NFATC4: variants seen among roughly 807,000 people sequenced by gnomAD.
NFATC4 encodes the protein nuclear factor of activated T-cells, cytoplasmic 4.
Under a neutral mutation model 73.4 loss-of-function variants are expected in NFATC4, and 25 were observed. The ratio of observed to expected loss-of-function variants is 0.34; its 90% confidence interval spans 0.25 to 0.48. The LOEUF (loss-of-function observed/expected upper bound fraction) is 0.48, where lower values mean the gene tolerates loss of function less well. NFATC4 is among the 20% of genes least tolerant of loss of function. The probability of loss-of-function intolerance (pLI) is 0.99; values close to 1 mark genes in which losing one functional copy is unlikely to be tolerated. For missense variants in NFATC4, 1,130 were observed against 1,203.7 expected (o/e 0.94, Z 0.91); for synonymous variants, 523 against 510.3 (o/e 1.02, Z -0.34).
Position 24,377,122 on chromosome 14 carries a change from C to CA in NFATC4, c.2641+247dup. 7.7e-7 allele frequency: 1 copy of CA among 1,297,924 alleles called. No homozygotes were observed. The highest frequency in any genetic ancestry group is 3.0e-5 in the South Asian group (1 of 33,896). 80.4% of individuals were successfully genotyped at this position (1,297,924 alleles called of 1,614,324 possible). The stretch of plus-strand genomic sequence containing the variant: ...CTGTCTCTGCCTCTGTCCTCTGCTC[C>CA]AAATCATAAAATCTCAGAGCTAGAA... On this transcript the variant is annotated intron_variant, in intron 9 of 9. Coordinates refer to ENST00000250373, the MANE Select transcript of NFATC4 (RefSeq NM_004554.5). This position sits in a 1 kb window ranked among gnomAD's most constrained non-coding sequence, Gnocchi z 4.2.
intron 1 of NFATC4, chr14:24,369,219 C>G: frequency 6.5e-7 from 1 of 1,533,230 alleles, no homozygotes; most frequent in Non-Finnish European, 8.7e-7. Context: ...AGCCCCAGCT[C>G]CAGCCCCTCT....
chr14:24,369,583 C>T lies in NFATC4; in HGVS notation c.185C>T (p.Pro62Leu). The change falls in exon 2 of 10, where the codon CCC becomes CTC. Residue 62 changes from proline to leucine, a missense_variant. By Grantham distance (98) the Pro-to-Leu change is moderately conservative. Around this residue, in one of 3 missense-constraint regions of NFATC4, gnomAD observed 585 missense variants for 574.3 expected, o/e 1.02. Transcript: ENST00000250373. ...PPYGAAPIGI[P>L]RPPPPRPGMH... ...TATGGCGCTGCACCTATCGGTATTC[C>T]CCGACCTCCACCCCCTCGGCCTGGC... is the stretch of plus-strand genomic sequence containing the variant. 6.2e-7 allele frequency: 1 copy of T among 1,612,866 alleles called. No individual in the cohort carries two copies. The highest frequency in any genetic ancestry group is 8.5e-7 in the Non-Finnish European group (1 of 1,179,430).
rs2042642901 is a variant in NFATC4, at chr14:24,376,988, C to G, written c.2641+110C>G. On this transcript the variant is annotated intron_variant, in intron 9 of 9. Coordinates refer to ENST00000250373, the MANE Select transcript of NFATC4 (RefSeq NM_004554.5). This position sits in a 1 kb window ranked among gnomAD's most constrained non-coding sequence, Gnocchi z 5.0. ...CAGAGATCGGGCATCCCTGGTCTCT[C>G]AGGGCCAGTTGGAGGTTCCCAGGAG... The G allele has an allele frequency of 1.4e-6, 2 of 1,411,276 alleles. No individual in the cohort carries two copies. The highest frequency in any genetic ancestry group is 6.4e-5 in the Admixed American group (2 of 31,424). 87.4% of individuals were successfully genotyped at this position (1,411,276 alleles called of 1,614,324 possible).
upstream of NFATC4, chr14:24,367,706 T>C: frequency 6.6e-7 from 1 of 1,524,142 alleles, no homozygotes; most frequent in South Asian, 1.2e-5. Context: ...TCGGTGCCAC[T>C]CTGCCCCCAG....
At chr14:24,371,565 T>A (rs894509309) in intron 2 of NFATC4, among the ~76,000 whole-genome samples, 2 of 152,214 alleles carry the variant, frequency 1.3e-5, no homozygotes, top group Admixed American at 1.3e-4. Context: ...TTGTCCCATC[T>A]GAAACCCTTA....
upstream of NFATC4, chr14:24,367,298 C>G: frequency 6.4e-7 from 1 of 1,561,034 alleles, no homozygotes; most frequent in South Asian, 1.2e-5. Context: ...AGGTTTCAGG[C>G]CCCTAGTAAA....
chr14:24,371,494 G>A (rs903973414), intron 2 of NFATC4, among the ~76,000 whole-genome samples: 1 of 152,142 alleles, frequency 6.6e-6, no homozygotes, highest in Non-Finnish European at 1.5e-5. Flanking sequence ...AATTACTTGG[G>A]GGGCAATTAC....
upstream of NFATC4, chr14:24,367,561 T>G: frequency 6.5e-7 from 1 of 1,536,170 alleles, no homozygotes; most frequent in Non-Finnish European, 8.7e-7. Context: ...GGCTAAGCGT[T>G]CTTCATCTTT....
chr14:24,373,657 T>G lies in NFATC4; in HGVS notation c.1560-38T>G, dbSNP rs762909955. On this transcript the variant is annotated intron_variant, in intron 4 of 9. Transcript: ENST00000250373. The surrounding 1 kb of genome is among the most constrained non-coding windows in gnomAD (Gnocchi z 4.7). ...TTAGGGATGTATCACCATTTTGGCTTCAGCTAGGAGGGCTTGCCATCCATC... is the reference window on the plus strand; with the variant it reads ...TTAGGGATGTATCACCATTTTGGCTGCAGCTAGGAGGGCTTGCCATCCATC... 7.0e-6 allele frequency: 11 copies of G among 1,574,166 alleles called. No individual in the cohort carries two copies. The Admixed American group carries it at 1.8e-4, about 25-fold the overall frequency.
rs1304515766 is a variant in NFATC4, at chr14:24,377,949, C to T, written c.*244C>T. ...GGAGGGAGGAGGGTGAAGACTGAGG[C>T]TAGGTGCCAGAATGGACTGGAGTGA... On this transcript the variant is annotated 3_prime_UTR_variant, in exon 10 of 10. Transcript: ENST00000250373. This position sits in a 1 kb window ranked among gnomAD's most constrained non-coding sequence, Gnocchi z 4.2. The T allele has an allele frequency of 5.3e-6, 4 of 751,494 alleles. No homozygotes were observed. The highest frequency in any genetic ancestry group is 8.3e-6 in the Non-Finnish European group (4 of 480,106). The allele number at this position is 751,494 out of a possible 1,614,324, so 46.6% of individuals were successfully genotyped here.
In NFATC4 at chr14:24,378,015, C is replaced by T; in HGVS notation, c.*310C>T. The T allele has an allele frequency of 2.1e-6, 1 of 486,608 alleles. No homozygotes were observed. Among genetic ancestry groups the T allele is most frequent in the Non-Finnish European group, 3.7e-6 (1 of 269,370 alleles). 30.1% of individuals were successfully genotyped at this position (486,608 alleles called of 1,614,324 possible). On this transcript the variant is annotated 3_prime_UTR_variant, in exon 10 of 10. Coordinates refer to ENST00000250373, the MANE Select transcript of NFATC4 (RefSeq NM_004554.5). ...GTGGGCTGGCTGTTGTGCTGGAAAG[C>T]TGGGGACAGGTTGATGGTAATAAAC...
rs1279254140 is a variant in NFATC4 at position 24,378,147 on chromosome 14, A to T, written c.*442A>T. Reference sequence around the variant, plus strand: ...GGCCCAGAAGTTGGAAAGAGATGGAATGTGGCTGGGAACATTGCATCCCAA... The same window carrying T: ...GGCCCAGAAGTTGGAAAGAGATGGATTGTGGCTGGGAACATTGCATCCCAA... On this transcript the variant is annotated 3_prime_UTR_variant, in exon 10 of 10. Coordinates refer to ENST00000250373, the MANE Select transcript of NFATC4 (RefSeq NM_004554.5). The T allele has an allele frequency of 5.4e-6, 1 of 183,744 alleles. No individual in the cohort carries two copies. Among genetic ancestry groups the T allele is most frequent in the African/African-American group, 2.3e-5 (1 of 43,170 alleles). The allele number at this position is 183,744 out of a possible 1,614,324, so 11.4% of individuals were successfully genotyped here.
At position 24,377,718 on chromosome 14, in the gene NFATC4, G is replaced by A. The variant is rs1235491646; in HGVS notation, c.*13G>A. On this transcript the variant is annotated 3_prime_UTR_variant, in exon 10 of 10. Transcript: ENST00000250373. The surrounding 1 kb of genome is among the most constrained non-coding windows in gnomAD (Gnocchi z 4.2). ...GCCTCCTGCCTGAACCACGTGAACTGTCATCACCTGGCAACCCCAGCCCCA... is the reference window on the plus strand; with the variant it reads ...GCCTCCTGCCTGAACCACGTGAACTATCATCACCTGGCAACCCCAGCCCCA... 7 of 1,614,044 alleles carry A rather than the reference G, an allele frequency of 4.3e-6. No homozygotes were observed. The highest frequency in any genetic ancestry group is 5.9e-6 in the Non-Finnish European group (7 of 1,180,012).
Position 24,373,087 on chromosome 14 carries a change from C to T in NFATC4, c.1360-84C>T. The T allele has an allele frequency of 1.5e-6, 2 of 1,375,784 alleles. No homozygotes were observed. The highest frequency in any genetic ancestry group is 2.5e-5 in the South Asian group (2 of 78,990). The allele number at this position is 1,375,784 out of a possible 1,614,324, so 85.2% of individuals were successfully genotyped here. ...TCCTTTATCTTTCACCATTCCCATC[C>T]CATGGTAGACTGAAAATCTAGGGAT... On this transcript the variant is annotated intron_variant, in intron 3 of 9. Transcript: ENST00000250373. The surrounding 1 kb of genome is among the most constrained non-coding windows in gnomAD (Gnocchi z 4.7).
In NFATC4 at chr14:24,376,998, T is replaced by A; in HGVS notation, c.2641+120T>A. The A allele has an allele frequency of 7.1e-7, 1 of 1,404,224 alleles. No homozygotes were observed. The highest frequency in any genetic ancestry group is 9.2e-7 in the Non-Finnish European group (1 of 1,084,282). 87.0% of individuals were successfully genotyped at this position (1,404,224 alleles called of 1,614,324 possible). ...GCATCCCTGGTCTCTCAGGGCCAGT[T>A]GGAGGTTCCCAGGAGGCATGTTCTT... is the stretch of plus-strand genomic sequence containing the variant. On this transcript the variant is annotated intron_variant, in intron 9 of 9. Coordinates refer to ENST00000250373, the MANE Select transcript of NFATC4 (RefSeq NM_004554.5). The surrounding 1 kb of genome is among the most constrained non-coding windows in gnomAD (Gnocchi z 5.0).
Position 24,373,895 on chromosome 14 carries a change from T to G in NFATC4, c.1732+28T>G. 6.2e-7 allele frequency: 1 copy of G among 1,613,410 alleles called. No homozygotes were observed. Among genetic ancestry groups the G allele is most frequent in the Non-Finnish European group, 8.5e-7 (1 of 1,179,768 alleles). On this transcript the variant is annotated intron_variant, in intron 5 of 9. Coordinates refer to ENST00000250373, the MANE Select transcript of NFATC4 (RefSeq NM_004554.5). The surrounding 1 kb of genome is among the most constrained non-coding windows in gnomAD (Gnocchi z 4.7). ...GAGCAAAGAGGCCCTGGGCCATGTC[T>G]CTGTCTCTTGCAACTCTTTTGTCTG...
At position 24,370,551 on chromosome 14, in the gene NFATC4, G is replaced by T. The variant is rs200325730; in HGVS notation, c.1153G>T (p.Ala385Ser). The T allele has an allele frequency of 1.2e-6, 2 of 1,613,544 alleles. No individual in the cohort carries two copies. The highest frequency in any genetic ancestry group is 2.2e-5 in the South Asian group (2 of 91,080). Reference sequence around the variant, plus strand: ...CTACCTGGCAGTGCCCTCCCCACTCGCTTGGTCCAAGGCCCGGATTGGGGG... The same window carrying T: ...CTACCTGGCAGTGCCCTCCCCACTCTCTTGGTCCAAGGCCCGGATTGGGGG... Reference protein sequence around the residue: ...MDYLAVPSPLAWSKARIGGHS... With the variant: ...MDYLAVPSPLSWSKARIGGHS... Residue 385 changes from alanine (A) to serine (S), a missense_variant, in exon 2 of 10, where the codon GCT becomes TCT. Ala to Ser is a moderately conservative substitution (Grantham distance 99). Around this residue, in one of 3 missense-constraint regions of NFATC4, gnomAD observed 585 missense variants for 574.3 expected, o/e 1.02. Coordinates refer to ENST00000250373, the MANE Select transcript of NFATC4 (RefSeq NM_004554.5).
rs1339969549 is a variant in NFATC4, at chr14:24,372,180, T to C, written c.1197-261T>C. 6 of 437,530 alleles carry C rather than the reference T, an allele frequency of 1.4e-5. No individual in the cohort carries two copies. In the East Asian group the frequency reaches 2.6e-4, roughly 19 times the overall value. 27.1% of individuals were successfully genotyped at this position (437,530 alleles called of 1,614,324 possible). A position where few individuals can be genotyped will look rare whatever the true frequency, so the allele number is the denominator to read the frequency against. On this transcript the variant is annotated intron_variant, in intron 2 of 9. Transcript: ENST00000250373. ...TGGGAAGAAGGGAGTTTTAGGCTTG[T>C]TGTCATCTTTCACACCTCAAGGGGC...
chr14:24,367,033 A>G (rs375686572), upstream of NFATC4: 61 of 1,613,286 alleles, frequency 3.8e-5, no homozygotes, highest in African/African-American at 6.5e-4. Flanking sequence ...GAGAGGTTGA[A>G]ACTGTGTGTG....
Sources: allele counts gnomAD v4.1 joint callset (sites outside exome capture counted in the v4.1 genomes callset), GRCh38; gene constraint gnomAD v4.1.1; regional missense constraint gnomAD v4.1.1; non-coding constraint Gnocchi (gnomAD v3.1); transcripts MANE v1.5; gene names NCBI Gene and HGNC (gene_info 2026-07-23, HGNC 2026-07-21).